PTPRG: variants seen among roughly 807,000 people sequenced by gnomAD.
The protein encoded by PTPRG is protein tyrosine phosphatase receptor type G.
In PTPRG, 102 loss-of-function variants were observed where a neutral mutation model predicts 165.3. The ratio of observed to expected loss-of-function variants is 0.62; its 90% CI spans 0.53 to 0.73. PTPRG has a LOEUF of 0.73. PTPRG is among the 30% of genes least tolerant of loss of function. The pLI is 0.00. For synonymous variants in PTPRG, 675 were observed against 669.5 expected, an observed-to-expected ratio of 1.01 and a Z score of -0.13; for missense variants, 1,866 against 1,861.4, an observed-to-expected ratio of 1.00 and a Z score of -0.05.
At chr3:62,291,525 A>C (rs978009472) in intron 28 of PTPRG, among the ~76,000 whole-genome samples, 1 of 151,992 alleles carries the variant, frequency 6.6e-6, no homozygotes, top group Non-Finnish European at 1.5e-5. Context: ...GTTACCTCTA[A>C]AGTTGGGGGG....
chr3:61,650,187 A>G (rs867845816), intron 1 of PTPRG, among the ~76,000 whole-genome samples: 1 of 152,210 alleles, frequency 6.6e-6, no homozygotes, highest in African/African-American at 2.4e-5. Context: ...AGAGCTGTAC[A>G]CGGCTGCTGA....
chr3:62,064,437 G>C (rs998600363), intron 4 of PTPRG, among the ~76,000 whole-genome samples: 1 of 152,066 alleles, frequency 6.6e-6, no homozygotes, highest in Non-Finnish European at 1.5e-5. Context: ...GGTTGGTCTT[G>C]AACTCCTGGT....
At chr3:61,590,033 C>T (rs145849433) in intron 1 of PTPRG, among the ~76,000 whole-genome samples, 105 of 152,010 alleles carry the variant, frequency 6.9e-4, no homozygotes, top group African/African-American at 2.2e-3. Flanking sequence ...TTCCGAGACA[C>T]GTGGTAAGTG....
intron 1 of PTPRG, among the ~76,000 whole-genome samples, chr3:61,738,551 CTTT>C (rs1310055558): frequency 7.1e-6 from 1 of 140,286 alleles, no homozygotes; most frequent in Non-Finnish European, 1.6e-5. Context: ...GATGAATCTG[CTTT>C]TTTTTTTTTG....
chr3:62,074,200 T>TGTGA (rs2106738695), intron 4 of PTPRG, among the ~76,000 whole-genome samples: 1 of 151,478 alleles, frequency 6.6e-6, no homozygotes, highest in Admixed American at 6.6e-5. Flanking sequence ...TGTGTGTGTG[T>TGTGA]GTGTGTGTGT....
intron 4 of PTPRG, among the ~76,000 whole-genome samples, chr3:62,077,273 TGTTTA>T (rs1701418942): frequency 3.3e-5 from 5 of 149,350 alleles, no homozygotes; most frequent in African/African-American, 1.2e-4. Context: ...TTTGTTTGTT[TGTTTA>T]AAAAAAAAAA....
At chr3:62,170,145 C>A (rs1338376112) in intron 8 of PTPRG, among the ~76,000 whole-genome samples, 1 of 152,066 alleles carries the variant, frequency 6.6e-6, no homozygotes, top group East Asian at 1.9e-4. Flanking sequence ...GGGCATCATT[C>A]TCTGGGAACA....
intron 1 of PTPRG, among the ~76,000 whole-genome samples, chr3:61,638,717 C>T (rs954406732): frequency 4.0e-5 from 6 of 148,492 alleles, no homozygotes; most frequent in African/African-American, 1.5e-4. Flanking sequence ...GGATTACAGG[C>T]GTGAGCCACC....
chr3:62,225,218 C>T (rs1318241869), intron 13 of PTPRG, among the ~76,000 whole-genome samples: 1 of 152,202 alleles, frequency 6.6e-6, no homozygotes, highest in Non-Finnish European at 1.5e-5. Flanking sequence ...TTCGCATCCC[C>T]TGCCTTACCA....
Position 61,835,458 on chromosome 3 carries a change from T to C in PTPRG, c.190+86476T>C, listed in dbSNP as rs1362357745. On this transcript the variant is annotated intron_variant, in intron 2 of 29. Transcript: ENST00000474889. ...AAGCGATTCTCCTGCCTCAGCCTCCTGAGTAGCTGGGATTACAGGCACACG... is the reference window on the plus strand; with the variant it reads ...AAGCGATTCTCCTGCCTCAGCCTCCCGAGTAGCTGGGATTACAGGCACACG... Among the ~76,000 whole-genome samples the C allele has an allele frequency of 2.6e-5, 4 of 151,986 alleles. No homozygotes were observed. In the East Asian group the frequency reaches 5.9e-4, roughly 22 times the overall value.
intron 4 of PTPRG, among the ~76,000 whole-genome samples, chr3:62,076,502 G>T (rs576768714): frequency 1.1e-4 from 17 of 151,456 alleles, no homozygotes; most frequent in African/African-American, 3.9e-4. Context: ...TTTTTTGTTT[G>T]TTTGTTTGTT....
At chr3:62,276,826 C>T in intron 24 of PTPRG, 146 bp from the exon 25 acceptor site, 2 of 638,562 alleles carry the variant, frequency 3.1e-6, no homozygotes, top group South Asian at 2.1e-5. Context: ...CAGCTGATAA[C>T]ACTTTAGCTT....
At chr3:61,587,718 A>G (rs1172889607) in intron 1 of PTPRG, among the ~76,000 whole-genome samples, 1 of 152,178 alleles carries the variant, frequency 6.6e-6, no homozygotes, top group Non-Finnish European at 1.5e-5. Flanking sequence ...GTCCAGTGGC[A>G]CAATCATAGC....
chr3:62,007,555 C>T (rs765286992), intron 4 of PTPRG, among the ~76,000 whole-genome samples: 46 of 152,314 alleles, frequency 3.0e-4, no homozygotes, highest in Admixed American at 7.8e-4. Flanking sequence ...CCTAGCAGCA[C>T]ATTTTTCTTG....
At chr3:61,715,343 A>C (rs927970121) in intron 1 of PTPRG, among the ~76,000 whole-genome samples, 1 of 151,802 alleles carries the variant, frequency 6.6e-6, no homozygotes, top group Non-Finnish European at 1.5e-5. Flanking sequence ...CAGCCTCCCT[A>C]GTAGCTGGGA....
chr3:62,083,663 C>T (rs1409439869), intron 5 of PTPRG, among the ~76,000 whole-genome samples: 4 of 152,218 alleles, frequency 2.6e-5, no homozygotes, highest in Non-Finnish European at 4.4e-5. Flanking sequence ...GTACCCAATA[C>T]TTACAATGAC....
intron 2 of PTPRG, among the ~76,000 whole-genome samples, chr3:61,933,394 C>G (rs1318622833): frequency 6.6e-6 from 1 of 152,020 alleles, no homozygotes; most frequent in African/African-American, 2.4e-5. Context: ...ATGTTGTGAA[C>G]AAATAACAAA....
chr3:61,575,096 T>TA (rs1700145625), intron 1 of PTPRG, among the ~76,000 whole-genome samples: 2 of 152,204 alleles, frequency 1.3e-5, no homozygotes, highest in South Asian at 4.1e-4. Flanking sequence ...ACTTTAGCGT[T>TA]AGAGTTCTTT....
chr3:61,829,528 A>G (rs2036212055), intron 2 of PTPRG, among the ~76,000 whole-genome samples: 1 of 152,238 alleles, frequency 6.6e-6, no homozygotes, highest in African/African-American at 2.4e-5. Context: ...GAAAGCCTTC[A>G]TGGGTTAACT....
Sources: gnomAD v4.1 joint callset for allele counts (sites outside exome capture counted in the v4.1 genomes callset) on GRCh38, gnomAD v4.1.1 for gene constraint, MANE v1.5 for transcripts, NCBI Gene and HGNC (gene_info 2026-07-23, HGNC 2026-07-21) for gene names.